Variants in RAD51 observed in about 807,000 individuals in gnomAD.
RAD51 encodes the protein DNA repair protein RAD51 homolog 1.
Under a neutral mutation model 41.5 loss-of-function variants are expected in RAD51, and 14 were observed. That is an observed-to-expected ratio of 0.34 (90% CI 0.22 to 0.53). The LOEUF (loss-of-function observed/expected upper bound fraction) is 0.53. Among genes scored for constraint, RAD51 ranks in the 20% least tolerant of loss-of-function variants. The pLI is 0.95. For synonymous variants in RAD51, 136 were observed against 148.6 expected, an observed-to-expected ratio of 0.92 and a Z score of 0.62; for missense variants, 234 against 422.0, an observed-to-expected ratio of 0.55 and a Z score of 3.90.
At position 40,709,095 on chromosome 15, in the gene RAD51, T is replaced by C. The variant is rs1221761227; in HGVS notation, c.414T>C (p.His138=). The change falls in exon 5 of 10, where the codon CAT becomes CAC. Residue 138 remains histidine (H), a synonymous_variant. Transcript: ENST00000267868. ...EFRTGKTQIC[H]TLAVTCQLPI... is the part of the protein sequence containing the mutation. ...GAACTGGGAAGACCCAGATCTGTCA[T>C]ACGCTAGCTGTCACCTGCCAGGTGA... 2.9e-5 allele frequency: 46 copies of C among 1,613,970 alleles called. No homozygotes were observed. Among genetic ancestry groups the C allele is most frequent in the Non-Finnish European group, 3.9e-5 (46 of 1,179,838 alleles).
At chr15:40,702,613 G>A (rs1018155969) in intron 3 of RAD51, among the ~76,000 whole-genome samples, 1 of 152,040 alleles carries the variant, frequency 6.6e-6, no homozygotes, top group African/African-American at 2.4e-5. Context: ...TGCCTTCCGG[G>A]TTCAAGTGAT....
At chr15:40,724,070 A>T (rs1011467651) in intron 6 of RAD51, among the ~76,000 whole-genome samples, 5 of 152,192 alleles carry the variant, frequency 3.3e-5, no homozygotes, top group Admixed American at 6.6e-5. Context: ...TATCTTTCCC[A>T]GCTTATAATT....
intron 9 of RAD51, 58 bp downstream of exon 9, chr15:40,730,032 A>G: frequency 6.3e-7 from 1 of 1,593,498 alleles, no homozygotes; most frequent in Non-Finnish European, 8.6e-7. Context: ...CTGTGAAGAC[A>G]TGAAGATATA....
At chr15:40,703,150 T>C (rs1895106192) in intron 3 of RAD51, among the ~76,000 whole-genome samples, 1 of 152,222 alleles carries the variant, frequency 6.6e-6, no homozygotes, top group African/African-American at 2.4e-5. Context: ...GATTAAGTTA[T>C]AAGCTCTGTG....
chr15:40,726,862 G>A (rs1224019529), intron 6 of RAD51, among the ~76,000 whole-genome samples: 9 of 149,444 alleles, frequency 6.0e-5, no homozygotes, highest in African/African-American at 2.0e-4. Context: ...GCAATGAGCC[G>A]AGATCGTGCC....
intron 9 of RAD51, 78 bp from the exon 10 acceptor site, chr15:40,730,977 T>A (rs1896850545): frequency 6.3e-7 from 1 of 1,590,098 alleles, no homozygotes; most frequent in Non-Finnish European, 8.6e-7. Flanking sequence ...CTAAAAAATT[T>A]TCAGCTCTGT....
intron 3 of RAD51, among the ~76,000 whole-genome samples, chr15:40,704,016 C>A (rs1895165403): frequency 6.6e-6 from 1 of 151,972 alleles, no homozygotes; most frequent in African/African-American, 2.4e-5. Flanking sequence ...AAACCTTCTG[C>A]CTCAGCCTCC....
At chr15:40,722,419 A>G (rs62018562) in intron 6 of RAD51, among the ~76,000 whole-genome samples, 102 of 133,038 alleles carry the variant, frequency 7.7e-4, no homozygotes, top group African/African-American at 3.4e-3. Context: ...GGCTCGGGGA[A>G]AAAAAAAAAA....
At chr15:40,697,225 C>G (rs554240512) in intron 1 of RAD51, among the ~76,000 whole-genome samples, 195 of 152,266 alleles carry the variant, frequency 1.3e-3, no homozygotes, top group African/African-American at 4.6e-3. Context: ...CTCAGCCTCC[C>G]GAGTAGCTGG....
chr15:40,704,826 C>T (rs376740793), intron 3 of RAD51, among the ~76,000 whole-genome samples: 28 of 152,008 alleles, frequency 1.8e-4, no homozygotes, highest in Non-Finnish European at 2.8e-4. Context: ...CGTGCCACCA[C>T]GCCCGGCTAA....
chr15:40,730,666 C>T (rs771838318), intron 9 of RAD51, among the ~76,000 whole-genome samples: 1 of 151,182 alleles, frequency 6.6e-6, no homozygotes, highest in Non-Finnish European at 1.5e-5. Context: ...GGACTACAGG[C>T]ACCCGCCACC....
Position 40,729,498 on chromosome 15 carries a change from C to T in RAD51, c.645-7C>T. 2 of 1,612,780 alleles carry T rather than the reference C, an allele frequency of 1.2e-6. No individual in the cohort carries two copies. Among genetic ancestry groups the T allele is most frequent in the South Asian group, 1.1e-5 (1 of 90,988 alleles). ...AATAGGCTTCAGAGAATCCTTGTTTCCTGTAGGTATGCACTGCTTATTGTA... is the reference window on the plus strand; with the variant it reads ...AATAGGCTTCAGAGAATCCTTGTTTTCTGTAGGTATGCACTGCTTATTGTA... On this transcript the variant is annotated splice_polypyrimidine_tract_variant and splice_region_variant and intron_variant, in intron 7 of 9. Transcript: ENST00000267868.
Position 40,731,220 on chromosome 15 carries a change from G to GCCTAATGAGAGTGCACTGCTC in RAD51, c.*46_*66dup, listed in dbSNP as rs1293286114. ...TCTGTTAAAAACCTTAAGTGCTGCA[G>GCCTAATGAGAGTGCACTGCTC]CCTAATGAGAGTGCACTGCTCCCTG... On this transcript the variant is annotated 3_prime_UTR_variant, in exon 10 of 10. Coordinates refer to ENST00000267868, the MANE Select transcript of RAD51 (RefSeq NM_002875.5). 1.9e-6 allele frequency: 3 copies of GCCTAATGAGAGTGCACTGCTC among 1,613,132 alleles called. No homozygotes were observed. The highest frequency in any genetic ancestry group is 1.7e-4 in the Middle Eastern group (1 of 6,054).
chr15:40,723,390 GATA>G (rs1269160426), intron 6 of RAD51, among the ~76,000 whole-genome samples: 2 of 152,148 alleles, frequency 1.3e-5, no homozygotes, highest in Non-Finnish European at 2.9e-5. Context: ...AGACTTGTAT[GATA>G]ATGTTTATAG....
chr15:40,724,662 A>AT (rs1896455779), intron 6 of RAD51, among the ~76,000 whole-genome samples: 1 of 116,406 alleles, frequency 8.6e-6, no homozygotes, highest in East Asian at 2.5e-4. Flanking sequence ...AGCCCAGCTA[A>AT]TTTTTTTATT....
intron 3 of RAD51, 136 bp from the exon 4 acceptor site, chr15:40,706,037 TTTTA>T (rs1321091877): frequency 3.1e-6 from 2 of 644,052 alleles, no homozygotes; most frequent in African/African-American, 3.7e-5. Flanking sequence ...ATCCTGGTAA[TTTTA>T]TTTGATATTT....
chr15:40,726,445 G>A (rs951071810), intron 6 of RAD51, among the ~76,000 whole-genome samples: 2 of 151,634 alleles, frequency 1.3e-5, no homozygotes, highest in Admixed American at 6.6e-5. Flanking sequence ...GTAGAGATGG[G>A]TTTTCGCCTT....
intron 6 of RAD51, among the ~76,000 whole-genome samples, chr15:40,727,012 A>G (rs1012527134): frequency 6.6e-6 from 1 of 151,992 alleles, no homozygotes; most frequent in African/African-American, 2.4e-5. Flanking sequence ...AGGTTCCCAT[A>G]GTTTTTTTTG....
At chr15:40,727,911 G>A (rs567678028) in intron 6 of RAD51, among the ~76,000 whole-genome samples, 3 of 144,622 alleles carry the variant, frequency 2.1e-5, no homozygotes, top group South Asian at 4.4e-4. Context: ...CCAGTCTGGT[G>A]TGCAATGGTA....
Sources: gnomAD v4.1 joint callset for allele counts (sites outside exome capture counted in the v4.1 genomes callset) on GRCh38, gnomAD v4.1.1 for gene constraint, MANE v1.5 for transcripts, NCBI Gene and HGNC (gene_info 2026-07-23, HGNC 2026-07-21) for gene names.